The following GRM2 variants were observed in gnomAD, a reference collection of about 807,000 sequenced individuals.
GRM2 encodes metabotropic glutamate receptor 2.
A neutral mutation model predicts 60.4 loss-of-function variants in GRM2; 35 were observed. The observed-to-expected ratio is 0.58, with a 90% CI of 0.44 to 0.77. The LOEUF (loss-of-function observed/expected upper bound fraction) is 0.77, where lower values mean the gene tolerates loss of function less well. GRM2 is among the 30% of genes least tolerant of loss of function. The pLI is 0.00. For synonymous variants in GRM2, 437 were observed against 484.1 expected (o/e 0.90, Z 1.28); for missense variants, 925 against 1,199.5 (o/e 0.77, Z 3.38).
In GRM2 at chr3:51,715,948, T is replaced by C; in HGVS notation, c.2175T>C (p.Asp725=). The change falls in exon 4 of 6, where the codon GAT becomes GAC. Residue 725 remains aspartate (D), a synonymous_variant. Coordinates refer to ENST00000395052, the MANE Select transcript of GRM2 (RefSeq NM_000839.5). This position sits in a 1 kb window ranked among gnomAD's most constrained non-coding sequence, Gnocchi z 9.0. Reference sequence around the variant, plus strand: ...TGACACTGCGCTGCAACCACCGCGATGCAAGTATGTTGGGCTCGCTGGCCT... The same window carrying C: ...TGACACTGCGCTGCAACCACCGCGACGCAAGTATGTTGGGCTCGCTGGCCT... ...EVVTLRCNHR[D]ASMLGSLAYN... is the part of the protein sequence containing the mutation. 1 of 1,614,102 alleles carries C rather than the reference T, an allele frequency of 6.2e-7. No individual in the cohort carries two copies. The highest frequency in any genetic ancestry group is 8.5e-7 in the Non-Finnish European group (1 of 1,180,030).
chr3:51,718,022 T>C lies in GRM2; in HGVS notation c.2546-17T>C, dbSNP rs372775646. On this transcript the variant is annotated splice_polypyrimidine_tract_variant and intron_variant, in intron 5 of 5. Coordinates refer to ENST00000395052, the MANE Select transcript of GRM2 (RefSeq NM_000839.5). The surrounding 1 kb of genome is among the most constrained non-coding windows in gnomAD (Gnocchi z 4.2). ...GGACCTCGGGATTGGCCCCAACCTCTGGCTTCCTTTTCTTAGGGTCTGGCT... is the reference window on the plus strand; with the variant it reads ...GGACCTCGGGATTGGCCCCAACCTCCGGCTTCCTTTTCTTAGGGTCTGGCT... 4.3e-6 allele frequency: 7 copies of C among 1,613,264 alleles called. No individual in the cohort carries two copies. Among genetic ancestry groups the C allele is most frequent in the Non-Finnish European group, 5.9e-6 (7 of 1,179,310 alleles).
In GRM2 at chr3:51,715,003, A is replaced by G; in HGVS notation, c.1289-59A>G. 1 of 1,042,892 alleles carries G rather than the reference A, an allele frequency of 9.6e-7. No homozygotes were observed. Among genetic ancestry groups the G allele is most frequent in the East Asian group, 2.4e-5 (1 of 40,970 alleles). The allele number at this position is 1,042,892 out of a possible 1,614,324, so 64.6% of individuals were successfully genotyped here. A position where few individuals can be genotyped will look rare whatever the true frequency, so the allele number is the denominator to read the frequency against. The stretch of plus-strand genomic sequence containing the variant: ...GGGTTCCATGTTAGGGTGAATGTTG[A>G]GGTCACATCAGGGTAACACACTAGT... On this transcript the variant is annotated intron_variant, in intron 3 of 5. Transcript: ENST00000395052. The surrounding 1 kb of genome is among the most constrained non-coding windows in gnomAD (Gnocchi z 9.0).
At chr3:51,714,275 G>T (rs1402694601) in intron 3 of GRM2, 2 of 203,282 alleles carry the variant, frequency 9.8e-6, no homozygotes, top group Non-Finnish European at 2.0e-5. Context: ...GTTGGATTTT[G>T]AGAACTTTTA....
chr3:51,718,264 G>C lies in GRM2; in HGVS notation c.*152G>C. On this transcript the variant is annotated 3_prime_UTR_variant, in exon 6 of 6. Transcript: ENST00000395052. This position sits in a 1 kb window ranked among gnomAD's most constrained non-coding sequence, Gnocchi z 4.2. ...GTCACTTACCCACCTCCTTACCCCA[G>C]CTCTTCAGACTCAGAAGTCAGGAGC... 1.4e-6 allele frequency: 1 copy of C among 704,982 alleles called. No individual in the cohort carries two copies. Among genetic ancestry groups the C allele is most frequent in the Non-Finnish European group, 2.6e-6 (1 of 389,736 alleles). 43.7% of individuals were successfully genotyped at this position (704,982 alleles called of 1,614,324 possible).
rs1189383777 is a variant in GRM2, at chr3:51,716,892, G to T, written c.2365-745G>T. Reference sequence around the variant, plus strand: ...AATTGAGGCGAAAGCCCCGGCAAAGGCCCCTTCCCCAGGACAGAGGTGTGG... The same window carrying T: ...AATTGAGGCGAAAGCCCCGGCAAAGTCCCCTTCCCCAGGACAGAGGTGTGG... On this transcript the variant is annotated intron_variant, in intron 4 of 5. Coordinates refer to ENST00000395052, the MANE Select transcript of GRM2 (RefSeq NM_000839.5). The surrounding 1 kb of genome is among the most constrained non-coding windows in gnomAD (Gnocchi z 4.0). Among the ~76,000 whole-genome samples the T allele has an allele frequency of 7.9e-5, 12 of 152,278 alleles. 1 individual carries two copies. Among genetic ancestry groups the T allele is most frequent in the African/African-American group, 9.6e-5 (4 of 41,546 alleles).
chr3:51,709,979 T>G (rs1003030299), intron 2 of GRM2, among the ~76,000 whole-genome samples: 1 of 150,390 alleles, frequency 6.6e-6, no homozygotes, highest in Non-Finnish European at 1.5e-5. Context: ...AAAATTGGAT[T>G]CACAACACTT....
Position 51,713,399 on chromosome 3 carries a change from AACAGTAGAG to A in GRM2, c.1288+90_1288+98del. On this transcript the variant is annotated intron_variant, in intron 3 of 5. Transcript: ENST00000395052. The surrounding 1 kb of genome is among the most constrained non-coding windows in gnomAD (Gnocchi z 4.8). ...TCAGCTTCCATTCCTTTGCTAAGGA[AACAGTAGAG>A]TGAAAGTAAAGGACTCACCTGGGGT... 2 of 952,316 alleles carry A rather than the reference AACAGTAGAG, an allele frequency of 2.1e-6. No individual in the cohort carries two copies. The highest frequency in any genetic ancestry group is 1.6e-6 in the Non-Finnish European group (1 of 632,036). 59.0% of individuals were successfully genotyped at this position (952,316 alleles called of 1,614,324 possible).
In GRM2 at chr3:51,712,553, C is replaced by G. The variant is rs768316978; in HGVS notation, c.531C>G (p.Arg177=). 9.3e-6 allele frequency: 15 copies of G among 1,614,174 alleles called. No individual in the cohort carries two copies. Among genetic ancestry groups the G allele is most frequent in the Middle Eastern group, 1.6e-4 (1 of 6,062 alleles). Reference sequence around the variant, plus strand: ...GTGCCAAGCTGAGTGACAAGTCCCGCTATGACTACTTTGCCCGCACAGTGC... The same window carrying G: ...GTGCCAAGCTGAGTGACAAGTCCCGGTATGACTACTTTGCCCGCACAGTGC... ...STSAKLSDKS[R]YDYFARTVPP... The change falls in exon 3 of 6, where the codon CGC becomes CGG. Residue 177 remains arginine (R), a synonymous_variant. Coordinates refer to ENST00000395052, the MANE Select transcript of GRM2 (RefSeq NM_000839.5). The surrounding 1 kb of genome is among the most constrained non-coding windows in gnomAD (Gnocchi z 5.3).
Position 51,718,393 on chromosome 3 carries a change from C to G in GRM2, c.*281C>G. On this transcript the variant is annotated 3_prime_UTR_variant, in exon 6 of 6. Transcript: ENST00000395052. The surrounding 1 kb of genome is among the most constrained non-coding windows in gnomAD (Gnocchi z 4.2). ...AGGAGCAAGCCAGGGTTCACTCTGC[C>G]CTGGACCCGGGTGGCTGAGGACGGC... The G allele has an allele frequency of 4.4e-6, 2 of 456,586 alleles. No homozygotes were observed. The highest frequency in any genetic ancestry group is 8.0e-6 in the Non-Finnish European group (2 of 251,024). 28.3% of individuals were successfully genotyped at this position (456,586 alleles called of 1,614,324 possible).
chr3:51,709,486 C>A, intron 2 of GRM2, 53 bp downstream of exon 2: 1 of 1,284,792 alleles, frequency 7.8e-7, no homozygotes, highest in Non-Finnish European at 1.1e-6. Flanking sequence ...GAGGTGGTGA[C>A]CCAGAATTCC....
chr3:51,708,914 G>C lies in GRM2; in HGVS notation c.-70G>C. 1 of 1,205,346 alleles carries C rather than the reference G, an allele frequency of 8.3e-7. No homozygotes were observed. Among genetic ancestry groups the C allele is most frequent in the South Asian group, 1.6e-5 (1 of 64,314 alleles). 74.7% of individuals were successfully genotyped at this position (1,205,346 alleles called of 1,614,324 possible). On this transcript the variant is annotated 5_prime_UTR_variant, in exon 2 of 6. Coordinates refer to ENST00000395052, the MANE Select transcript of GRM2 (RefSeq NM_000839.5). ...CTGGTCCCTGTTTCCTCCTCTCTTT[G>C]CCTTCGCTGCTTCTAATCTCATCCC...
At position 51,712,175 on chromosome 3, in the gene GRM2, G is replaced by A. The variant is rs921425697; in HGVS notation, c.451-298G>A. ...CCAGGTGCCAACCTCCCTCCACCCA[G>A]GCCTTCCTTGGCCCCCCTGCCATGT... On this transcript the variant is annotated intron_variant, in intron 2 of 5. Coordinates refer to ENST00000395052, the MANE Select transcript of GRM2 (RefSeq NM_000839.5). This position sits in a 1 kb window ranked among gnomAD's most constrained non-coding sequence, Gnocchi z 5.3. Among the ~76,000 whole-genome samples, 3 of 152,116 alleles carry A rather than the reference G, an allele frequency of 2.0e-5. No homozygotes were observed. The highest frequency in any genetic ancestry group is 6.5e-5 in the Admixed American group (1 of 15,282).
At position 51,717,729 on chromosome 3, in the gene GRM2, C is replaced by T. The variant is rs1661760220; in HGVS notation, c.2457C>T (p.Phe819=). 6.2e-7 allele frequency: 1 copy of T among 1,614,034 alleles called. No individual in the cohort carries two copies. Among genetic ancestry groups the T allele is most frequent in the African/African-American group, 1.3e-5 (1 of 74,944 alleles). Residue 819 remains phenylalanine, a synonymous_variant, in exon 5 of 6, where the codon TTC becomes TTT. Transcript: ENST00000395052. This position sits in a 1 kb window ranked among gnomAD's most constrained non-coding sequence, Gnocchi z 6.0. ...CGCCCAAGCTGCACATCATCCTCTT[C>T]CAGCCGCAGAAGAACGTGGTTAGCC... The part of the protein sequence containing the change: ...LFAPKLHIIL[F]QPQKNVVSHR...
intron 2 of GRM2, among the ~76,000 whole-genome samples, chr3:51,709,825 A>C (rs1703647523): frequency 2.5e-5 from 1 of 40,258 alleles, no homozygotes; most frequent in Non-Finnish European, 5.0e-5. Flanking sequence ...CCACACACAC[A>C]CCCAGACACA....
chr3:51,713,333 A>G lies in GRM2; in HGVS notation c.1288+23A>G, dbSNP rs751575813. On this transcript the variant is annotated intron_variant, in intron 3 of 5. Coordinates refer to ENST00000395052, the MANE Select transcript of GRM2 (RefSeq NM_000839.5). This position sits in a 1 kb window ranked among gnomAD's most constrained non-coding sequence, Gnocchi z 4.8. The stretch of plus-strand genomic sequence containing the variant: ...ATGGTAATGGTGTTGGCCAGTGTCC[A>G]TTGGCCTGCTGGCTGTCAGAGGATG... 1.1e-5 allele frequency: 16 copies of G among 1,495,250 alleles called. No homozygotes were observed. The highest frequency in any genetic ancestry group is 1.4e-5 in the African/African-American group (1 of 72,484). The allele number at this position is 1,495,250 out of a possible 1,614,324, so 92.6% of individuals were successfully genotyped here. A position where few individuals can be genotyped will look rare whatever the true frequency, so the allele number is the denominator to read the frequency against.
Position 51,715,852 on chromosome 3 carries a change from C to A in GRM2, c.2079C>A (p.Ile693=), listed in dbSNP as rs983060285. 8 of 1,613,190 alleles carry A rather than the reference C, an allele frequency of 5.0e-6. No homozygotes were observed. Among genetic ancestry groups the A allele is most frequent in the Non-Finnish European group, 6.8e-6 (8 of 1,179,956 alleles). The change falls in exon 4 of 6, where the codon ATC becomes ATA. Residue 693 remains isoleucine (I), a synonymous_variant. Coordinates refer to ENST00000395052, the MANE Select transcript of GRM2 (RefSeq NM_000839.5). The surrounding 1 kb of genome is among the most constrained non-coding windows in gnomAD (Gnocchi z 9.0). ...CLALISGQLL[I]VVAWLVVEAP... is the part of the protein sequence containing the mutation. ...CACTTATCTCGGGCCAGCTGCTCATCGTGGTCGCCTGGCTGGTGGTGGAGG... is the reference window on the plus strand; with the variant it reads ...CACTTATCTCGGGCCAGCTGCTCATAGTGGTCGCCTGGCTGGTGGTGGAGG...
chr3:51,712,896 G>C lies in GRM2; in HGVS notation c.874G>C (p.Val292Leu). ...SQRLNASFTW[V>L]ASDGWGALES... ...GCGCCTCAATGCCAGCTTCACCTGGGTGGCCAGTGATGGTTGGGGGGCCCT... is the reference window on the plus strand; with the variant it reads ...GCGCCTCAATGCCAGCTTCACCTGGCTGGCCAGTGATGGTTGGGGGGCCCT... The change falls in exon 3 of 6, where the codon GTG becomes CTG. Residue 292 changes from valine to leucine, a missense_variant. Transcript: ENST00000395052. The surrounding 1 kb of genome is among the most constrained non-coding windows in gnomAD (Gnocchi z 5.3). The C allele has an allele frequency of 6.2e-7, 1 of 1,613,058 alleles. No individual in the cohort carries two copies. The highest frequency in any genetic ancestry group is 8.5e-7 in the Non-Finnish European group (1 of 1,180,026).
chr3:51,710,998 G>C (rs1267478280), intron 2 of GRM2, among the ~76,000 whole-genome samples: 1 of 152,246 alleles, frequency 6.6e-6, no homozygotes, highest in Non-Finnish European at 1.5e-5. Context: ...GGGCATTGCC[G>C]AGATGGAGAG....
chr3:51,710,209 G>A (rs1461448346), intron 2 of GRM2, among the ~76,000 whole-genome samples: 2 of 151,878 alleles, frequency 1.3e-5, no homozygotes, highest in Non-Finnish European at 2.9e-5. Context: ...GGTCAGGCTG[G>A]TCTCAAACTC....
Sources: gnomAD v4.1 joint callset for allele counts (sites outside exome capture counted in the v4.1 genomes callset) on GRCh38, gnomAD v4.1.1 for gene constraint, Gnocchi (gnomAD v3.1) non-coding constraint, MANE v1.5 for transcripts, NCBI Gene and HGNC (gene_info 2026-07-23, HGNC 2026-07-21) for gene names.